The following DNAH12 variants were observed in gnomAD, a reference collection of about 807,000 sequenced individuals.
DNAH12 encodes the protein dynein axonemal heavy chain 12, also known as axonemal beta dynein heavy chain 12.
Under a neutral mutation model 371.5 loss-of-function variants are expected in DNAH12, and 285 were observed. That is an observed-to-expected ratio of 0.77 (90% CI 0.70 to 0.85). The LOEUF is 0.85. DNAH12 is among the 40% of genes least tolerant of loss of function. The pLI, the probability that DNAH12 is intolerant of heterozygous loss-of-function variation, is 0.00. For missense variants in DNAH12, 3,611 were observed against 3,689.4 expected (o/e 0.98, Z 0.55); for synonymous variants, 1,200 against 1,213.0 (o/e 0.99, Z 0.22).
chr3:57,323,214 A>C lies in DNAH12; in HGVS notation c.10176T>G (p.Phe3392Leu). 6.4e-7 allele frequency: 1 copy of C among 1,552,226 alleles called. No individual in the cohort carries two copies. The highest frequency in any genetic ancestry group is 1.4e-5 in the African/African-American group (1 of 73,180). Residue 3392 changes from phenylalanine (F) to leucine (L), a missense_variant, in exon 64 of 74, where the codon TTT becomes TTG. Phe to Leu is a conservative substitution (Grantham distance 22). Coordinates refer to ENST00000495027, the MANE Select transcript of DNAH12 (RefSeq NM_001366028.2). Reference protein sequence around the residue: ...ANDKSMSGNKFQAISLGQGQG... With the variant: ...ANDKSMSGNKLQAISLGQGQG... Reference sequence around the variant, plus strand: ...GTCCCTGTCCCAGTGAAATAGCTTGAAACTTATTTCCAGACATAGATTTAT... The same window carrying C: ...GTCCCTGTCCCAGTGAAATAGCTTGCAACTTATTTCCAGACATAGATTTAT...
intron 51 of DNAH12, among the ~76,000 whole-genome samples, chr3:57,380,004 A>C (rs1030947981): frequency 7.6e-4 from 115 of 152,178 alleles, no homozygotes; most frequent in African/African-American, 2.6e-3. Flanking sequence ...CTTAATAATT[A>C]ATTTATCATA....
intron 5 of DNAH12, among the ~76,000 whole-genome samples, chr3:57,509,605 T>C (rs1008187668): frequency 2.0e-5 from 3 of 151,938 alleles, no homozygotes; most frequent in African/African-American, 7.2e-5. Flanking sequence ...CTCATGCCTG[T>C]AATTCCAGCA....
intron 19 of DNAH12, among the ~76,000 whole-genome samples, chr3:57,461,279 A>C (rs1427029761): frequency 6.6e-6 from 1 of 152,178 alleles, no homozygotes; most frequent in Non-Finnish European, 1.5e-5. Flanking sequence ...TCTTTTAAAA[A>C]TCATTTATGT....
At chr3:57,304,985 T>G (rs1046673318) in intron 69 of DNAH12, among the ~76,000 whole-genome samples, 4 of 152,070 alleles carry the variant, frequency 2.6e-5, no homozygotes, top group African/African-American at 9.7e-5. Context: ...TCTGAAGAAC[T>G]TAAAACCTCT....
chr3:57,390,424 A>AAAAAAAATATATATAT, intron 45 of DNAH12, among the ~76,000 whole-genome samples: 1 of 33,440 alleles, frequency 3.0e-5, no homozygotes, highest in African/African-American at 6.3e-5. Flanking sequence ...AAAAAAAAAA[A>AAAAAAAATATATATAT]ATATATATAT....
chr3:57,432,664 C>G (rs1453582302), intron 32 of DNAH12, among the ~76,000 whole-genome samples: 1 of 151,884 alleles, frequency 6.6e-6, no homozygotes, highest in Non-Finnish European at 1.5e-5. Flanking sequence ...AAAAAAAACA[C>G]TGAAGAATAT....
intron 34 of DNAH12, among the ~76,000 whole-genome samples, chr3:57,425,432 C>T (rs1403404804): frequency 6.6e-6 from 1 of 151,654 alleles, no homozygotes; most frequent in Non-Finnish European, 1.5e-5. Flanking sequence ...CAGATAGGCT[C>T]TCACTCTGTC....
At chr3:57,508,657 G>A in intron 6 of DNAH12, 117 bp from the exon 7 acceptor site, 3 of 1,186,406 alleles carry the variant, frequency 2.5e-6, no homozygotes, top group Non-Finnish European at 2.3e-6. Context: ...CTTGAGAAGA[G>A]GGAGCTGTGG....
chr3:57,316,470 T>A (rs936794407), intron 65 of DNAH12, among the ~76,000 whole-genome samples: 13 of 152,182 alleles, frequency 8.5e-5, no homozygotes, highest in African/African-American at 3.1e-4. Flanking sequence ...ATGAAGCTTT[T>A]TTTCAACTCA....
chr3:57,404,258 A>G (rs900151614), intron 42 of DNAH12, among the ~76,000 whole-genome samples: 1 of 152,358 alleles, frequency 6.6e-6, no homozygotes, highest in Middle Eastern at 3.4e-3. Context: ...AGAATGCAAT[A>G]TAGTGGTAAA....
intron 2 of DNAH12, among the ~76,000 whole-genome samples, chr3:57,541,262 A>T (rs780301112): frequency 2.0e-5 from 3 of 151,068 alleles, no homozygotes; most frequent in Non-Finnish European, 4.4e-5. Context: ...CTGGTCTTGA[A>T]CTCCTGACCT....
chr3:57,494,883 C>T (rs1027417942), intron 11 of DNAH12, among the ~76,000 whole-genome samples: 8 of 151,936 alleles, frequency 5.3e-5, no homozygotes, highest in Non-Finnish European at 1.0e-4. Flanking sequence ...GTGGCATATG[C>T]CTGTATTCCC....
intron 43 of DNAH12, among the ~76,000 whole-genome samples, chr3:57,396,472 A>G (rs2063744482): frequency 6.6e-6 from 1 of 151,568 alleles, no homozygotes; most frequent in African/African-American, 2.4e-5. Flanking sequence ...ATCTTGGCTC[A>G]CTGCAACTTC....
chr3:57,413,780 C>A lies in DNAH12; in HGVS notation c.5986G>T (p.Glu1996Ter). 1.3e-6 allele frequency: 2 copies of A among 1,551,004 alleles called. No homozygotes were observed. The highest frequency in any genetic ancestry group is 1.7e-6 in the Non-Finnish European group (2 of 1,146,734). Residue 1996 changes from glutamate to a stop codon, truncating the protein, a stop_gained, in exon 39 of 74, where the codon GAA (glutamate) becomes TAA (stop). Coordinates refer to ENST00000495027, the MANE Select transcript of DNAH12 (RefSeq NM_001366028.2). LOFTEE classifies it high-confidence loss of function. ...CAGTCAAAAAACTGTCGTAATAATT[C>A]AATAGGTGGTTGAGCTCCATACTTC... ...LEKYGAQPPI[E>*]LLRQFFDCGH... is the part of the protein sequence containing the mutation.
chr3:57,518,362 T>C (rs2068277681), intron 4 of DNAH12, among the ~76,000 whole-genome samples: 1 of 151,898 alleles, frequency 6.6e-6, no homozygotes, highest in Admixed American at 6.6e-5. Context: ...CTGTCTCTAC[T>C]AAAAATATAA....
At chr3:57,371,059 G>T (rs2063159782) in intron 55 of DNAH12, among the ~76,000 whole-genome samples, 1 of 152,106 alleles carries the variant, frequency 6.6e-6, no homozygotes, top group Non-Finnish European at 1.5e-5. Context: ...TCTCATACAG[G>T]TTTAGGATAT....
intron 59 of DNAH12, among the ~76,000 whole-genome samples, chr3:57,353,853 A>G (rs1234642532): frequency 6.6e-6 from 1 of 152,204 alleles, no homozygotes; most frequent in African/African-American, 2.4e-5. Context: ...CAGAATGGCT[A>G]TAATTAAAAA....
chr3:57,471,014 C>G (rs2066350192), intron 15 of DNAH12, among the ~76,000 whole-genome samples: 2 of 151,982 alleles, frequency 1.3e-5, no homozygotes, highest in African/African-American at 4.8e-5. Context: ...GCCTATACAG[C>G]AACTTTAAAT....
intron 55 of DNAH12, among the ~76,000 whole-genome samples, chr3:57,371,461 T>C (rs1160698625): frequency 3.3e-5 from 5 of 152,230 alleles, no homozygotes; most frequent in Middle Eastern, 3.4e-3. Context: ...AATCACCGAA[T>C]TGTACAATTT....
Sources: allele counts gnomAD v4.1 joint callset (sites outside exome capture counted in the v4.1 genomes callset), GRCh38; gene constraint gnomAD v4.1.1; transcripts MANE v1.5; gene names NCBI Gene and HGNC (gene_info 2026-07-23, HGNC 2026-07-21).